FSHR: variants seen among roughly 807,000 people sequenced by gnomAD.
The protein encoded by FSHR is follicle-stimulating hormone receptor.
Under a neutral mutation model 52.1 loss-of-function variants are expected in FSHR, and 46 were observed. That is an observed-to-expected ratio of 0.88 (90% CI 0.70 to 1.13). FSHR has a LOEUF of 1.13. Among genes scored for constraint, FSHR ranks in the 50% most tolerant of loss-of-function variants. FSHR has a pLI of 0.00. For synonymous variants in FSHR, 399 were observed against 309.6 expected (o/e 1.29, Z -3.03); for missense variants, 964 against 834.6 (o/e 1.16, Z -1.91).
chr2:49,065,618 G>C (rs1258294877), intron 2 of FSHR, among the ~76,000 whole-genome samples: 1 of 152,148 alleles, frequency 6.6e-6, no homozygotes, highest in African/African-American at 2.4e-5. Context: ...TCACTCAGAT[G>C]TAGATGTTTA....
intron 8 of FSHR, among the ~76,000 whole-genome samples, chr2:48,973,802 G>A (rs531028400): frequency 6.6e-6 from 1 of 152,298 alleles, no homozygotes; most frequent in Non-Finnish European, 1.5e-5. Flanking sequence ...GATCACCCCA[G>A]CCAACTGTGA....
intron 4 of FSHR, among the ~76,000 whole-genome samples, chr2:49,003,279 A>G (rs544602577): frequency 6.4e-4 from 97 of 152,230 alleles, no homozygotes; most frequent in African/African-American, 1.8e-3. Flanking sequence ...ACTCCGGCCC[A>G]CATTCTCATG....
At chr2:49,085,739 A>G (rs1048891826) in intron 1 of FSHR, among the ~76,000 whole-genome samples, 1 of 152,218 alleles carries the variant, frequency 6.6e-6, no homozygotes, top group Non-Finnish European at 1.5e-5. Flanking sequence ...GATAGACTGG[A>G]TTAAGAAAAT....
At position 49,079,976 on chromosome 2, in the gene FSHR, A is replaced by G. The variant is rs140465095; in HGVS notation, c.153-11686T>C. Among the ~76,000 whole-genome samples the G allele has an allele frequency of 5.5e-3, 841 of 152,328 alleles. 5 individuals are homozygous for G. The highest frequency in any genetic ancestry group is 9.4e-3 in the Admixed American group (144 of 15,302). ...TATTTGCAACACATGCCAGTAAAGT[A>G]TATAAAGAAATTTGCTAAATAATAA... On this transcript the variant is annotated intron_variant, in intron 1 of 9. Coordinates refer to ENST00000406846, the MANE Select transcript of FSHR (RefSeq NM_000145.4).
intron 1 of FSHR, among the ~76,000 whole-genome samples, chr2:49,093,993 A>G (rs1257832700): frequency 6.6e-6 from 1 of 152,184 alleles, no homozygotes; most frequent in African/African-American, 2.4e-5. Flanking sequence ...TCATTTACAC[A>G]TAATTATTAA....
intron 1 of FSHR, among the ~76,000 whole-genome samples, chr2:49,082,511 G>GC (rs1670213950): frequency 6.6e-6 from 1 of 152,212 alleles, no homozygotes; most frequent in Non-Finnish European, 1.5e-5. Flanking sequence ...AATTTGACGA[G>GC]CTGAGAGAAG....
intron 2 of FSHR, among the ~76,000 whole-genome samples, chr2:49,029,329 C>T (rs953145867): frequency 6.6e-6 from 1 of 152,060 alleles, no homozygotes; most frequent in African/African-American, 2.4e-5. Context: ...GAAAAAACAA[C>T]AACAAAACTT....
intron 1 of FSHR, among the ~76,000 whole-genome samples, chr2:49,089,647 A>G (rs1307103406): frequency 6.6e-6 from 1 of 152,246 alleles, no homozygotes; most frequent in African/African-American, 2.4e-5. Context: ...CTTGCATTTA[A>G]CAAAGAAAGT....
chr2:49,066,061 T>C (rs1173272847), intron 2 of FSHR, among the ~76,000 whole-genome samples: 1 of 152,114 alleles, frequency 6.6e-6, no homozygotes, highest in Non-Finnish European at 1.5e-5. Flanking sequence ...GAAGAATTTT[T>C]GTCCAAATAG....
At chr2:49,064,304 T>C (rs545299837) in intron 2 of FSHR, among the ~76,000 whole-genome samples, 5 of 151,530 alleles carry the variant, frequency 3.3e-5, no homozygotes, top group South Asian at 2.1e-4. Flanking sequence ...CACTCCAACA[T>C]TGGGAAATGT....
chr2:49,080,516 G>T (rs1429742023), intron 1 of FSHR, among the ~76,000 whole-genome samples: 2 of 152,118 alleles, frequency 1.3e-5, no homozygotes, highest in African/African-American at 4.8e-5. Flanking sequence ...ATGAAAAAAG[G>T]AGTAAACTGA....
intron 1 of FSHR, among the ~76,000 whole-genome samples, chr2:49,084,429 A>G (rs1369794633): frequency 6.6e-6 from 1 of 152,220 alleles, no homozygotes; most frequent in African/African-American, 2.4e-5. Flanking sequence ...CATCACAATT[A>G]AAGGAACTAG....
At chr2:49,002,239 T>TA (rs1409574786) in intron 4 of FSHR, among the ~76,000 whole-genome samples, 2 of 152,192 alleles carry the variant, frequency 1.3e-5, no homozygotes, top group African/African-American at 4.8e-5. Flanking sequence ...TTAATACAAC[T>TA]ACCAGTGCTT....
chr2:49,154,124 G>A (rs1673161128), intron 1 of FSHR, 142 bp downstream of exon 1: 1 of 842,224 alleles, frequency 1.2e-6, no homozygotes, highest in African/African-American at 1.7e-5. Context: ...TTGGGCTGGG[G>A]AGTTAGTTGT....
intron 1 of FSHR, among the ~76,000 whole-genome samples, chr2:49,118,563 C>G (rs1408489049): frequency 6.6e-6 from 1 of 151,998 alleles, no homozygotes; most frequent in Non-Finnish European, 1.5e-5. Context: ...AAATGACCAG[C>G]AAAAAAGAAA....
chr2:49,055,287 G>GA (rs1669013878), intron 2 of FSHR, among the ~76,000 whole-genome samples: 1 of 150,742 alleles, frequency 6.6e-6, no homozygotes, highest in Admixed American at 6.6e-5. Flanking sequence ...CCAAGCAGAA[G>GA]AAAAAATACC....
chr2:49,021,282 G>C (rs547533365), intron 2 of FSHR, among the ~76,000 whole-genome samples: 1 of 152,262 alleles, frequency 6.6e-6, no homozygotes, highest in African/African-American at 2.4e-5. Context: ...AGAGAATGAA[G>C]TCCACTAGGC....
At chr2:48,975,766 G>T (rs772419171) in intron 8 of FSHR, among the ~76,000 whole-genome samples, 5 of 152,120 alleles carry the variant, frequency 3.3e-5, no homozygotes, top group Non-Finnish European at 5.9e-5. Context: ...ATGGGAGTTT[G>T]CTCATGATTT....
At chr2:49,052,182 G>A (rs1160034657) in intron 2 of FSHR, among the ~76,000 whole-genome samples, 1 of 152,132 alleles carries the variant, frequency 6.6e-6, no homozygotes. Flanking sequence ...ATCAGATTAT[G>A]TCACTTTGTT....
Sources: allele counts gnomAD v4.1 joint callset (sites outside exome capture counted in the v4.1 genomes callset), GRCh38; gene constraint gnomAD v4.1.1; transcripts MANE v1.5; gene names NCBI Gene and HGNC (gene_info 2026-07-23, HGNC 2026-07-21).